TMEM143: variants seen among roughly 807,000 people sequenced by gnomAD.
The protein encoded by TMEM143 is transmembrane protein 143.
In TMEM143, 45 loss-of-function variants were observed where a neutral mutation model predicts 40.3. That is an observed-to-expected ratio of 1.12 (90% CI 0.88 to 1.43). The LOEUF is 1.43. Ranked by LOEUF, TMEM143 falls within the 40% of genes most tolerant of loss-of-function variation. TMEM143 has a pLI of 0.00. For missense variants in TMEM143, 620 were observed against 613.4 expected, an observed-to-expected ratio of 1.01 and a Z score of -0.11; for synonymous variants, 299 against 282.7, an observed-to-expected ratio of 1.06 and a Z score of -0.58.
chr19:48,359,417 C>A (rs1969981306), intron 3 of TMEM143, among the ~76,000 whole-genome samples: 1 of 152,090 alleles, frequency 6.6e-6, no homozygotes, highest in South Asian at 2.1e-4. Context: ...CTCGTTCCCC[C>A]TCTTCACTAA....
chr19:48,339,458 C>T (rs531345318), intron 6 of TMEM143, among the ~76,000 whole-genome samples: 5 of 152,186 alleles, frequency 3.3e-5, no homozygotes, highest in Non-Finnish European at 1.5e-5. Context: ...ACCTTGCTCC[C>T]CGCACCCCTT....
At chr19:48,335,863 C>T (rs1969355646) in intron 6 of TMEM143, among the ~76,000 whole-genome samples, 7 of 152,054 alleles carry the variant, frequency 4.6e-5, no homozygotes. Flanking sequence ...CACTGCACTC[C>T]AGGCTGGGCA....
chr19:48,352,171 C>T (rs1433925850), intron 3 of TMEM143, among the ~76,000 whole-genome samples: 4 of 128,230 alleles, frequency 3.1e-5, no homozygotes, highest in Admixed American at 1.0e-4. Context: ...GGTGTGAACC[C>T]GGGAGGCGGA....
At chr19:48,354,540 C>G (rs1479005891) in intron 3 of TMEM143, among the ~76,000 whole-genome samples, 2 of 152,164 alleles carry the variant, frequency 1.3e-5, no homozygotes, top group African/African-American at 4.8e-5. Context: ...GCTGGAATAA[C>G]AAGCGTGAGT....
chr19:48,344,302 G>A (rs986237974), intron 4 of TMEM143, among the ~76,000 whole-genome samples: 2 of 150,350 alleles, frequency 1.3e-5, no homozygotes, highest in African/African-American at 4.9e-5. Flanking sequence ...GTTTTTTTGA[G>A]ACAGGTTCTC....
At chr19:48,353,599 A>G (rs1045238515) in intron 3 of TMEM143, among the ~76,000 whole-genome samples, 1 of 151,812 alleles carries the variant, frequency 6.6e-6, no homozygotes, top group African/African-American at 2.4e-5. Flanking sequence ...CTGAAATTCA[A>G]ATTTACTGGG....
At chr19:48,340,067 G>A (rs897255674) in intron 6 of TMEM143, among the ~76,000 whole-genome samples, 17 of 151,022 alleles carry the variant, frequency 1.1e-4, no homozygotes, top group Admixed American at 9.3e-4. Context: ...ACCCCAAGGC[G>A]TGGGGAAATA....
intron 6 of TMEM143, 121 bp from the exon 7 acceptor site, chr19:48,334,318 G>A: frequency 9.4e-7 from 1 of 1,067,386 alleles, no homozygotes; most frequent in Non-Finnish European, 1.3e-6. Flanking sequence ...AGGCGGGGAG[G>A]TCCTACCCAG....
intron 3 of TMEM143, among the ~76,000 whole-genome samples, chr19:48,357,795 A>C (rs1969944413): frequency 1.3e-5 from 2 of 152,204 alleles, no homozygotes; most frequent in Admixed American, 6.6e-5. Flanking sequence ...TGGAGTTGGA[A>C]GGCCATTATT....
At position 48,346,756 on chromosome 19, in the gene TMEM143, T is replaced by C. The variant is rs1969643843; in HGVS notation, c.370-1402A>G. On this transcript the variant is annotated intron_variant, in intron 3 of 7. Transcript: ENST00000293261. ...CCACGCCTGGCTAATTTTTGTATTT[T>C]TAGTGGAGATGAGGTTTCACCATGT... 2.0e-5 allele frequency among the ~76,000 whole-genome samples: 3 copies of C among 151,850 alleles called. No homozygotes were observed. In the South Asian group the frequency reaches 6.2e-4, roughly 32 times the overall value.
At chr19:48,334,641 G>T (rs1969327937) in intron 6 of TMEM143, among the ~76,000 whole-genome samples, 1 of 141,246 alleles carries the variant, frequency 7.1e-6, no homozygotes, top group Non-Finnish European at 1.5e-5. Context: ...GAGTTCAGTG[G>T]CTATTCACAG....
rs985414557 is a variant in TMEM143 at position 48,333,726 on chromosome 19, T to A, written c.1165+282A>T. ...GAGCCCACACAGGGAGCGCGCAGGA[T>A]CTCTTGTAGGGAGAGTGTCAGCTCA... On this transcript the variant is annotated intron_variant, in intron 7 of 7. Transcript: ENST00000293261. This position sits in a 1 kb window ranked among gnomAD's most constrained non-coding sequence, Gnocchi z 4.1. Among the ~76,000 whole-genome samples the A allele has an allele frequency of 6.6e-6, 1 of 151,734 alleles. No homozygotes were observed. Among genetic ancestry groups the A allele is most frequent in the Non-Finnish European group, 1.5e-5 (1 of 67,906 alleles).
At chr19:48,344,226 G>A (rs531582028) in intron 4 of TMEM143, among the ~76,000 whole-genome samples, 1 of 151,566 alleles carries the variant, frequency 6.6e-6, no homozygotes, top group African/African-American at 2.4e-5. Flanking sequence ...CATTTTGCGT[G>A]CTTTTAGGGG....
intron 6 of TMEM143, among the ~76,000 whole-genome samples, chr19:48,341,653 T>C (rs760153022): frequency 6.6e-6 from 1 of 152,154 alleles, no homozygotes; most frequent in Non-Finnish European, 1.5e-5. Flanking sequence ...AACACCTCTA[T>C]GAGTTAGGTC....
rs371366655 is a variant in TMEM143, at chr19:48,345,208, G to A, written c.516C>T (p.Asp172=). ...GGACCACCAGCGCGTAGGCCAGGGT[G>A]TCCTCAGACAGCGGGGAGAAGTTGG... ...AQANFSPLSE[D]TLAYALVVHH... is the part of the protein sequence containing the mutation. Residue 172 remains aspartate (D), a synonymous_variant, in exon 4 of 8, where the codon GAC becomes GAT. Transcript: ENST00000293261. 4.4e-4 allele frequency: 702 copies of A among 1,613,572 alleles called. 8 individuals are homozygous for A. The South Asian group carries it at 7.1e-3, about 16-fold the overall frequency.
intron 3 of TMEM143, among the ~76,000 whole-genome samples, chr19:48,354,900 G>A (rs1187668182): frequency 2.0e-5 from 3 of 152,100 alleles, no homozygotes; most frequent in Non-Finnish European, 4.4e-5. Context: ...ACCCGCCTCT[G>A]CCACTTCTAC....
intron 2 of TMEM143, chr19:48,360,491 T>C (rs571522954): frequency 3.4e-6 from 1 of 295,786 alleles, no homozygotes; most frequent in African/African-American, 2.3e-5. Context: ...AGCTGGAGAA[T>C]TGCTTGAACC....
chr19:48,349,950 AT>A (rs1469699430), intron 3 of TMEM143, among the ~76,000 whole-genome samples: 1 of 149,904 alleles, frequency 6.7e-6, no homozygotes, highest in Non-Finnish European at 1.5e-5. Flanking sequence ...AAAATTTGTA[AT>A]TTTGTTTTAG....
chr19:48,360,586 A>C, intron 2 of TMEM143: 1 of 169,900 alleles, frequency 5.9e-6, no homozygotes, highest in Non-Finnish European at 1.3e-5. Flanking sequence ...AAAAAAAAAA[A>C]AAAAAAAAGT....
Sources: gnomAD v4.1 joint callset for allele counts (sites outside exome capture counted in the v4.1 genomes callset) on GRCh38, gnomAD v4.1.1 for gene constraint, Gnocchi (gnomAD v3.1) non-coding constraint, MANE v1.5 for transcripts, NCBI Gene and HGNC (gene_info 2026-07-23, HGNC 2026-07-21) for gene names.